The following CACNA1H variants were observed in gnomAD, a reference collection of about 807,000 sequenced individuals.
CACNA1H encodes voltage-dependent T-type calcium channel subunit alpha-1H.
A neutral mutation model predicts 192.5 loss-of-function variants in CACNA1H; 149 were observed. That is an observed-to-expected ratio of 0.77 (90% CI 0.68 to 0.89). The LOEUF is 0.89. Ranked by LOEUF, CACNA1H falls within the 40% of genes least tolerant of loss-of-function variation. The probability of loss-of-function intolerance (pLI) is 0.00; values close to 1 mark genes in which losing one functional copy is unlikely to be tolerated. For synonymous variants in CACNA1H, 2,202 were observed against 1,475.2 expected (o/e 1.49, Z -11.29); for missense variants, 4,257 against 3,423.5 (o/e 1.24, Z -6.08).
intron 14 of CACNA1H, 106 bp downstream of exon 14, chr16:1,207,536 G>C (rs1203398658): frequency 1.6e-6 from 2 of 1,270,114 alleles, no homozygotes; most frequent in Non-Finnish European, 2.2e-6. Flanking sequence ...GTGAGGGATA[G>C]AGAAGGGAAG....
chr16:1,201,733 G>A lies in CACNA1H; in HGVS notation c.1283G>A (p.Arg428Gln), dbSNP rs1452763580. ...ACGCAGTTCTCGGAGACGAAGCAGC[G>A]GGAGAGTCAGCTGATGCGGGAGCAG... is the stretch of plus-strand genomic sequence containing the variant. ...IATQFSETKQ[R>Q]ESQLMREQRA... Residue 428 changes from arginine (R) to glutamine (Q), a missense_variant, in exon 9 of 35, where the codon CGG becomes CAG. Coordinates refer to ENST00000348261, the MANE Select transcript of CACNA1H (RefSeq NM_021098.3). 7 of 1,610,640 alleles carry A rather than the reference G, an allele frequency of 4.3e-6. No individual in the cohort carries two copies. The highest frequency in any genetic ancestry group is 2.2e-5 in the East Asian group (1 of 44,818).
chr16:1,169,836 C>T (rs545600623), intron 2 of CACNA1H, among the ~76,000 whole-genome samples: 388 of 152,348 alleles, frequency 2.5e-3, no homozygotes, highest in African/African-American at 8.7e-3. Flanking sequence ...AGCCCAGGAC[C>T]GGCTTCCCCG....
In CACNA1H at chr16:1,195,577, C is replaced by T. The variant is rs1428973014; in HGVS notation, c.545+12C>T. 8 of 1,583,358 alleles carry T rather than the reference C, an allele frequency of 5.1e-6. No individual in the cohort carries two copies. The Admixed American group carries it at 9.0e-5, about 18-fold the overall frequency. ...ATCGTCGTGGCGGGGTAGGCCCCGC[C>T]TGGGAGAGGCCACAGCGCTGGCGAA... is the stretch of plus-strand genomic sequence containing the variant. On this transcript the variant is annotated intron_variant, in intron 4 of 34. Coordinates refer to ENST00000348261, the MANE Select transcript of CACNA1H (RefSeq NM_021098.3).
At position 1,220,874 on chromosome 16, in the gene CACNA1H, CGGT is replaced by C; in HGVS notation, c.6944_6946del (p.Gly2315del). On this transcript the variant is annotated inframe_deletion, in exon 35 of 35. Transcript: ENST00000348261. ...CAGAATCAGAGCCTCCCATGCCCGTCGGTGACCCCCCAGAGAAGAGGCGGGGGC... is the reference window on the plus strand; with the variant it reads ...CAGAATCAGAGCCTCCCATGCCCGTCGACCCCCCAGAGAAGAGGCGGGGGC... 6.2e-7 allele frequency: 1 copy of C among 1,612,678 alleles called. No individual in the cohort carries two copies. Among genetic ancestry groups the C allele is most frequent in the South Asian group, 1.1e-5 (1 of 91,078 alleles).
At chr16:1,195,627 T>TCC in intron 4 of CACNA1H, 62 bp downstream of exon 4, 1 of 1,523,696 alleles carries the variant, frequency 6.6e-7, no homozygotes, top group Non-Finnish European at 8.9e-7. Context: ...CCCACAGGGA[T>TCC]CCCTGTGTCC....
chr16:1,196,510 C>T (rs1387104214), intron 5 of CACNA1H, among the ~76,000 whole-genome samples: 1 of 152,180 alleles, frequency 6.6e-6, no homozygotes, highest in Non-Finnish European at 1.5e-5. Context: ...CCTCGCTCTC[C>T]CCACCCGCCA....
At position 1,208,524 on chromosome 16, in the gene CACNA1H, C is replaced by T. The variant is rs193266374; in HGVS notation, c.3363+303C>T. On this transcript the variant is annotated intron_variant, in intron 16 of 34. Coordinates refer to ENST00000348261, the MANE Select transcript of CACNA1H (RefSeq NM_021098.3). ...GGCAGAAGCGTGCCCGGCAAGCAGA[C>T]GGCAGGCCAGGCGGGGGTTCCGCTG... Among the ~76,000 whole-genome samples, 84 of 152,310 alleles carry T rather than the reference C, an allele frequency of 5.5e-4. No individual in the cohort carries two copies. In the East Asian group the frequency reaches 7.9e-3, roughly 14 times the overall value.
At position 1,219,132 on chromosome 16, in the gene CACNA1H, TAGG is replaced by T. The variant is rs1970276146; in HGVS notation, c.6048+5_6048+7del. On this transcript the variant is annotated splice_donor_5th_base_variant and intron_variant, in intron 34 of 34. Transcript: ENST00000348261. ...CTCAGCCGGCTGCTCTGCAGACAGG[TAGG>T]AGAAGCCGTTGGCCTGCAGCAGAGG... The T allele has an allele frequency of 1.3e-6, 2 of 1,528,810 alleles. No individual in the cohort carries two copies. Among genetic ancestry groups the T allele is most frequent in the Admixed American group, 2.0e-5 (1 of 49,350 alleles). The allele number at this position is 1,528,810 out of a possible 1,614,324, so 94.7% of individuals were successfully genotyped here. A position where few individuals can be genotyped will look rare whatever the true frequency, so the allele number is the denominator to read the frequency against.
Position 1,185,712 on chromosome 16 carries a change from G to A in CACNA1H, c.300-9260G>A, listed in dbSNP as rs745791440. Among the ~76,000 whole-genome samples the A allele has an allele frequency of 9.7e-3, 186 of 19,218 alleles. 2 individuals carry two copies. The highest frequency in any genetic ancestry group is 0.021 in the African/African-American group (56 of 2,626). 12.6% of individuals were successfully genotyped at this position (19,218 alleles called of 152,430 possible). A position where few individuals can be genotyped will look rare whatever the true frequency, so the allele number is the denominator to read the frequency against. ...GCGGGTGAGTAGACGGTCGGCGTGC[G>A]TAGGGGCCGGAGGCGGGGTGTGTAC... On this transcript the variant is annotated intron_variant, in intron 2 of 34. Coordinates refer to ENST00000348261, the MANE Select transcript of CACNA1H (RefSeq NM_021098.3).
At chr16:1,179,796 G>A (rs189173459) in intron 2 of CACNA1H, among the ~76,000 whole-genome samples, 18 of 143,188 alleles carry the variant, frequency 1.3e-4, no homozygotes, top group Middle Eastern at 7.4e-3. Context: ...GTGCAGTGGC[G>A]TGATCTCCGC....
rs34873336 is a variant in CACNA1H, at chr16:1,198,527, C to T, written c.644-88C>T. 10,283 of 1,455,252 alleles carry T rather than the reference C, an allele frequency of 7.1e-3. 581 individuals carry two copies. In the African/African-American group the frequency reaches 0.12, roughly 18 times the overall value. The allele number at this position is 1,455,252 out of a possible 1,614,324, so 90.1% of individuals were successfully genotyped here. The stretch of plus-strand genomic sequence containing the variant: ...GTGGACACCCACTGTGAACAGTGGA[C>T]GGGGCTCGGGGGTCCCGGGAGGGGC... On this transcript the variant is annotated intron_variant, in intron 5 of 34. Coordinates refer to ENST00000348261, the MANE Select transcript of CACNA1H (RefSeq NM_021098.3).
rs66463468 is a variant in CACNA1H at position 1,211,383 on chromosome 16, C to T, written c.4350+89C>T. The T allele has an allele frequency of 2.2e-4, 347 of 1,604,800 alleles. 4 individuals carry two copies. In the African/African-American group the frequency reaches 3.8e-3, roughly 18 times the overall value. ...GGCTCCCAGCAGCGCCGCTGCGGGA[C>T]GGGGAGGGACAGCTCGGGCCTCACT... On this transcript the variant is annotated intron_variant, in intron 22 of 34. Transcript: ENST00000348261.
chr16:1,154,439 C>T (rs1255796690), intron 2 of CACNA1H, among the ~76,000 whole-genome samples: 1 of 152,118 alleles, frequency 6.6e-6, no homozygotes, highest in Non-Finnish European at 1.5e-5. Flanking sequence ...CCGAGGCAGG[C>T]CCCTCGCGGG....
Position 1,221,708 on chromosome 16 carries a change from C to T in CACNA1H, c.*714C>T, listed in dbSNP as rs1970491527. ...TGTTGCAATAATCTGATGCAGAAGACTCAGCTTCTCAAGGGAGAGGGAGGG... is the reference window on the plus strand; with the variant it reads ...TGTTGCAATAATCTGATGCAGAAGATTCAGCTTCTCAAGGGAGAGGGAGGG... On this transcript the variant is annotated 3_prime_UTR_variant, in exon 35 of 35. Coordinates refer to ENST00000348261, the MANE Select transcript of CACNA1H (RefSeq NM_021098.3). The T allele has an allele frequency of 7.5e-7, 1 of 1,341,384 alleles. No homozygotes were observed. Among genetic ancestry groups the T allele is most frequent in the East Asian group, 2.4e-5 (1 of 41,252 alleles). The allele number at this position is 1,341,384 out of a possible 1,614,324, so 83.1% of individuals were successfully genotyped here.
Position 1,210,353 on chromosome 16 carries a change from C to CCCCCCCCCCCCCCCCCCG in CACNA1H, c.3846-17_3846-16insCCCCCCCCCCCCCCCCCG. The CCCCCCCCCCCCCCCCCCG allele has an allele frequency of 7.8e-7, 1 of 1,276,656 alleles. No individual in the cohort carries two copies. Among genetic ancestry groups the CCCCCCCCCCCCCCCCCCG allele is most frequent in the East Asian group, 2.5e-5 (1 of 39,438 alleles). 79.1% of individuals were successfully genotyped at this position (1,276,656 alleles called of 1,614,324 possible). A position where few individuals can be genotyped will look rare whatever the true frequency, so the allele number is the denominator to read the frequency against. ...ACGCCGCCCCGCCCCACCTCTCACCCGCCCCCGCCCACCCAGGTTCCGCGT... is the reference window on the plus strand; with the variant it reads ...ACGCCGCCCCGCCCCACCTCTCACCCCCCCCCCCCCCCCCCCCGGCCCCCGCCCACCCAGGTTCCGCGT... On this transcript the variant is annotated splice_polypyrimidine_tract_variant and intron_variant, in intron 18 of 34. Transcript: ENST00000348261.
chr16:1,218,593 C>T lies in CACNA1H; in HGVS notation c.5829C>T (p.Pro1943=), dbSNP rs892346564. 3 of 1,564,762 alleles carry T rather than the reference C, an allele frequency of 1.9e-6. No individual in the cohort carries two copies. Among genetic ancestry groups the T allele is most frequent in the South Asian group, 1.2e-5 (1 of 85,096 alleles). The change falls in exon 33 of 35, where the codon CCC becomes CCT. Residue 1943 remains proline, a synonymous_variant. Coordinates refer to ENST00000348261, the MANE Select transcript of CACNA1H (RefSeq NM_021098.3). ...GGCCCGTGGTGCCTGCCTCGGCGCC[C>T]CACCCCCGCCCGCTGCAGGAGGTGG... ...MFRPVVPASA[P]HPRPLQEVEM... is the part of the protein sequence containing the mutation.
intron 9 of CACNA1H, among the ~76,000 whole-genome samples, chr16:1,202,876 G>T (rs1210508879): frequency 6.6e-6 from 1 of 152,136 alleles, no homozygotes; most frequent in Non-Finnish European, 1.5e-5. Context: ...CGCTGAGTGG[G>T]GGAGTGTGGG....
At chr16:1,153,570 AGGGGGCGGGC>A (rs1335312321) in intron 1 of CACNA1H, 100 bp downstream of exon 1, 5 of 221,708 alleles carry the variant, frequency 2.3e-5, no homozygotes, top group African/African-American at 3.3e-4. Flanking sequence ...GGAGGGAGGG[AGGGGGCGGGC>A]GGGGGCGGGG....
At chr16:1,161,830 C>T (rs952041955) in intron 2 of CACNA1H, among the ~76,000 whole-genome samples, 2 of 152,204 alleles carry the variant, frequency 1.3e-5, no homozygotes, top group East Asian at 1.9e-4. Context: ...AGCACCCGGA[C>T]CTCCTGGGTC....
Sources: gnomAD v4.1 joint callset for allele counts (sites outside exome capture counted in the v4.1 genomes callset) on GRCh38, gnomAD v4.1.1 for gene constraint, MANE v1.5 for transcripts, NCBI Gene and HGNC (gene_info 2026-07-23, HGNC 2026-07-21) for gene names.